Variants in ADA2 observed in about 807,000 individuals in gnomAD.
The protein encoded by ADA2 is adenosine deaminase 2.
Under a neutral mutation model 44.2 loss-of-function variants are expected in ADA2, and 29 were observed. The observed-to-expected ratio is 0.66, with a 90% confidence interval of 0.49 to 0.89. The LOEUF (loss-of-function observed/expected upper bound fraction) is 0.89, where lower values mean the gene tolerates loss of function less well. ADA2 is among the 40% of genes least tolerant of loss of function. The pLI is 0.00. For synonymous variants in ADA2, 215 were observed against 234.9 expected (o/e 0.92, Z 0.77); for missense variants, 637 against 644.8 (o/e 0.99, Z 0.13).
chr22:17,193,454 C>A, intron 4 of ADA2: 2 of 349,962 alleles, frequency 5.7e-6, no homozygotes, highest in Non-Finnish European at 5.2e-6. Context: ...ATCACGAGGT[C>A]ATGAGTTCGA....
intron 4 of ADA2, chr22:17,199,432 C>CTATCCTCTTCCCCTCCCTCCCCTCCTA: frequency 1.9e-6 from 2 of 1,026,966 alleles, no homozygotes; most frequent in Non-Finnish European, 1.5e-6. Context: ...CTCCCCTCCT[C>CTATCCTCTTCCCCTCCCTCCCCTCCTA]TATCCTCTTC....
intron 5 of ADA2, among the ~76,000 whole-genome samples, chr22:17,190,473 A>G (rs2062101336): frequency 6.6e-6 from 1 of 152,130 alleles, no homozygotes; most frequent in African/African-American, 2.4e-5. Context: ...GGTCGGCTGG[A>G]CCCAGTAACC....
Position 17,181,405 on chromosome 22 carries a change from G to T in ADA2, c.*78C>A. On this transcript the variant is annotated 3_prime_UTR_variant, in exon 10 of 10. Coordinates refer to ENST00000399837, the MANE Select transcript of ADA2 (RefSeq NM_001282225.2). ...AGGCCATTGATTTCATGGGCACATG[G>T]AGCTGATTCAAGAACGAGTGAGAGG... is the stretch of plus-strand genomic sequence containing the variant. 2 of 967,462 alleles carry T rather than the reference G, an allele frequency of 2.1e-6. No homozygotes were observed. The highest frequency in any genetic ancestry group is 3.4e-5 in the Admixed American group (2 of 58,944). The allele number at this position is 967,462 out of a possible 1,614,324, so 59.9% of individuals were successfully genotyped here.
chr22:17,185,780 G>C (rs2062029019), intron 7 of ADA2, among the ~76,000 whole-genome samples: 1 of 152,166 alleles, frequency 6.6e-6, no homozygotes, highest in African/African-American at 2.4e-5. Flanking sequence ...AGGTGTGATA[G>C]AGCAGAGCTT....
chr22:17,194,155 A>G (rs9617968), intron 4 of ADA2, among the ~76,000 whole-genome samples: 3,485 of 152,278 alleles, frequency 0.023, 129 homozygotes, highest in African/African-American at 0.08. Context: ...GTGGCTCCAC[A>G]CAGAGTCAAG....
At chr22:17,198,856 C>T (rs1479162582) in intron 4 of ADA2, 1 of 152,394 alleles carries the variant, frequency 6.6e-6, no homozygotes, top group Non-Finnish European at 1.5e-5. Context: ...GGCGAGCAGC[C>T]TTTGTTACTG....
At chr22:17,187,767 T>TA (rs1434216608) in intron 7 of ADA2, among the ~76,000 whole-genome samples, 18 of 151,872 alleles carry the variant, frequency 1.2e-4, no homozygotes, top group African/African-American at 4.1e-4. Flanking sequence ...CTTGGGCTCT[T>TA]CATCTATCAA....
At chr22:17,193,063 C>T (rs1458523167) in intron 4 of ADA2, 6 of 833,516 alleles carry the variant, frequency 7.2e-6, no homozygotes, top group East Asian at 2.5e-5. Context: ...GGCCAGATCT[C>T]GATGCCCAAC....
rs2062393838 is a variant in ADA2, at chr22:17,209,519, GT to G, written c.158del (p.Asn53ThrfsTer12). 9.3e-6 allele frequency: 15 copies of G among 1,613,708 alleles called. No homozygotes were observed. The highest frequency in any genetic ancestry group is 1.3e-5 in the African/African-American group (1 of 74,900). ...MMRLGGRLVL[N>X]TKEELANERL... ...TCTCATTGGCCAGCTCCTCCTTGGT[GT>G]TCAGCACCAGCCGCCCCCCCAGCCG... On this transcript the variant is annotated frameshift_variant, in exon 2 of 10. Transcript: ENST00000399837. LOFTEE classifies it high-confidence loss of function.
At chr22:17,193,236 C>T (rs1307135825) in intron 4 of ADA2, 3 of 1,016,472 alleles carry the variant, frequency 3.0e-6, no homozygotes, top group East Asian at 2.5e-5. Flanking sequence ...ACGAAGCCAT[C>T]GTGGAAAGAG....
At chr22:17,219,965 C>T (rs1221341854), upstream of ADA2, among the ~76,000 whole-genome samples, 5 of 152,032 alleles carry the variant, frequency 3.3e-5, no homozygotes, top group Admixed American at 3.3e-4. Context: ...CGTGAGCCAC[C>T]ATGCCCGGCC....
intron 4 of ADA2, chr22:17,199,435 T>TCCTCTTCCCCTCCCACCCCTCCTCTAA: frequency 5.0e-6 from 5 of 994,828 alleles, no homozygotes; most frequent in Middle Eastern, 2.1e-4. Context: ...CCCTCCTCTA[T>TCCTCTTCCCCTCCCACCCCTCCTCTAA]CCTCTTCCCC....
rs752600591 is a variant in ADA2, at chr22:17,189,963, C to T, written c.951G>A (p.Thr317=). ...MAMGLRIKFP[T]VVAGFDLVGH... ...TTACCAGGTCAAACCCTGCCACCAC[C>T]GTGGGGAACTTGATTCGGAGCCCCA... The change falls in exon 6 of 10, where the codon ACG becomes ACA. Residue 317 remains threonine (T), a synonymous_variant. Coordinates refer to ENST00000399837, the MANE Select transcript of ADA2 (RefSeq NM_001282225.2). 1.3e-5 allele frequency: 21 copies of T among 1,613,770 alleles called. 1 individual carries two copies. Among genetic ancestry groups the T allele is most frequent in the Middle Eastern group, 1.7e-4 (1 of 6,060 alleles).
At chr22:17,202,923 C>T (rs2062308339) in intron 4 of ADA2, among the ~76,000 whole-genome samples, 1 of 152,018 alleles carries the variant, frequency 6.6e-6, no homozygotes, top group Non-Finnish European at 1.5e-5. Flanking sequence ...GCTGGGACTA[C>T]AGGCTCATGC....
upstream of ADA2, among the ~76,000 whole-genome samples, chr22:17,220,819 T>C (rs114554933): frequency 4.6e-3 from 697 of 152,280 alleles, 7 homozygotes; most frequent in African/African-American, 0.016. Flanking sequence ...GTCATTCATT[T>C]AATAAACAGG....
intron 7 of ADA2, 70 bp downstream of exon 7, chr22:17,188,269 C>A: frequency 8.9e-7 from 1 of 1,123,472 alleles, no homozygotes; most frequent in Non-Finnish European, 1.3e-6. Flanking sequence ...AACCCTGAGG[C>A]ATGGGCCTGT....
At position 17,189,293 on chromosome 22, in the gene ADA2, G is replaced by A. The variant is rs547122961; in HGVS notation, c.972+649C>T. ...CGCCCTCCCAAAGTGCTGAGGGCAT[G>A]AGCCACTGCACCCGGCCTAGATTCT... On this transcript the variant is annotated intron_variant, in intron 6 of 9. Transcript: ENST00000399837. 1.2e-4 allele frequency among the ~76,000 whole-genome samples: 19 copies of A among 152,224 alleles called. No homozygotes were observed. In the East Asian group the frequency reaches 2.7e-3, roughly 22 times the overall value.
intron 3 of ADA2, 135 bp downstream of exon 3, chr22:17,206,936 G>T: frequency 1.5e-6 from 1 of 663,664 alleles, no homozygotes; most frequent in Non-Finnish European, 2.6e-6. Flanking sequence ...TTATAGGCGT[G>T]AACCACCGCA....
intron 1 of ADA2, among the ~76,000 whole-genome samples, chr22:17,218,462 G>A (rs1476153170): frequency 1.3e-5 from 2 of 151,978 alleles, no homozygotes; most frequent in Non-Finnish European, 2.9e-5. Flanking sequence ...TTTTGACCAC[G>A]GTGTTTGCCT....
Sources: allele counts gnomAD v4.1 joint callset (sites outside exome capture counted in the v4.1 genomes callset), GRCh38; gene constraint gnomAD v4.1.1; transcripts MANE v1.5; gene names NCBI Gene and HGNC (gene_info 2026-07-23, HGNC 2026-07-21).